MACF1: variants seen among roughly 807,000 people sequenced by gnomAD.
MACF1 encodes microtubule actin crosslinking factor 1, also known as microtubule-actin cross-linking factor 1.
A neutral mutation model predicts 854.8 loss-of-function variants in MACF1; 193 were observed. That is an observed-to-expected ratio of 0.23 (90% CI 0.20 to 0.25). MACF1 has a LOEUF of 0.25. Ranked by LOEUF, MACF1 falls within the 10% of genes least tolerant of loss-of-function variation. The pLI is 1.00. For synonymous variants in MACF1, 3,185 were observed against 3,226.7 expected, an observed-to-expected ratio of 0.99 and a Z score of 0.44; for missense variants, 7,722 against 8,929.1, an observed-to-expected ratio of 0.86 and a Z score of 5.45.
intron 2 of MACF1, among the ~76,000 whole-genome samples, chr1:39,085,822 C>A (rs1367697942): frequency 6.6e-6 from 1 of 152,190 alleles, no homozygotes; most frequent in Non-Finnish European, 1.5e-5. Flanking sequence ...CACCTCTACC[C>A]CCAATCACCC....
intron 70 of MACF1, chr1:39,435,977 A>G: frequency 1.9e-6 from 1 of 536,938 alleles, no homozygotes. Context: ...CTTGGCTGGT[A>G]TATATTGTCT....
chr1:39,232,017 ATTAT>A (rs1644782947), intron 2 of MACF1, among the ~76,000 whole-genome samples: 1 of 150,752 alleles, frequency 6.6e-6, no homozygotes, highest in Non-Finnish European at 1.5e-5. Flanking sequence ...CTGAATGAAG[ATTAT>A]TATTATCATT....
chr1:39,181,382 A>G (rs1385526226), intron 2 of MACF1, among the ~76,000 whole-genome samples: 3 of 152,182 alleles, frequency 2.0e-5, no homozygotes, highest in Non-Finnish European at 2.9e-5. Flanking sequence ...GCATTGGAAG[A>G]CTTAATATTG....
chr1:39,393,196 A>AAATAT (rs57576149), intron 58 of MACF1, among the ~76,000 whole-genome samples: 33 of 66,560 alleles, frequency 5.0e-4, no homozygotes, highest in East Asian at 1.7e-3. Flanking sequence ...AAAAAAAAAA[A>AAATAT]ATATATATAT....
chr1:39,167,082 C>T (rs942430381), intron 2 of MACF1, among the ~76,000 whole-genome samples: 5 of 152,038 alleles, frequency 3.3e-5, no homozygotes, highest in African/African-American at 1.2e-4. Flanking sequence ...CTGCCTCAGC[C>T]TCCCGAGTAG....
At chr1:39,450,936 C>A (rs983957949) in intron 84 of MACF1, 116 bp from the exon 85 acceptor site, 22 of 1,182,268 alleles carry the variant, frequency 1.9e-5, no homozygotes, top group Non-Finnish European at 2.5e-5. Flanking sequence ...ACTGTTCTAA[C>A]ATAGAAGTCA....
rs765451028 is a variant in MACF1 at position 39,387,649 on chromosome 1, T to C, written c.14807T>C (p.Val4936Ala). 2 of 1,614,166 alleles carry C rather than the reference T, an allele frequency of 1.2e-6. No individual in the cohort carries two copies. Among genetic ancestry groups the C allele is most frequent in the East Asian group, 4.5e-5 (2 of 44,882 alleles). Residue 4936 changes from valine (V) to alanine (A), a missense_variant, in exon 58 of 101, where the codon GTG (valine) becomes GCG (alanine). Physicochemically the swap from Val to Ala is moderately conservative, Grantham distance 64. This residue lies in a region of MACF1 where 2,807 missense variants were observed against 3,235.8 expected (regional missense o/e 0.87). Coordinates refer to ENST00000564288, the MANE Select transcript of MACF1 (RefSeq NM_001394062.1). ...GAGTTGCGAGTCACTCTGGATCCAGTGCAGCTAGAGTCCAGTCTCCTAAGA... is the reference window on the plus strand; with the variant it reads ...GAGTTGCGAGTCACTCTGGATCCAGCGCAGCTAGAGTCCAGTCTCCTAAGA... The part of the protein sequence containing the change: ...MSELRVTLDP[V>A]QLESSLLRSK...
chr1:39,091,781 C>T (rs950736219), intron 2 of MACF1, among the ~76,000 whole-genome samples: 2 of 152,142 alleles, frequency 1.3e-5, no homozygotes, highest in Non-Finnish European at 2.9e-5. Flanking sequence ...ATTACAGCCA[C>T]TGCACCCGGC....
At chr1:39,143,354 G>A (rs1361420033) in intron 2 of MACF1, among the ~76,000 whole-genome samples, 1 of 152,186 alleles carries the variant, frequency 6.6e-6, no homozygotes, top group African/African-American at 2.4e-5. Context: ...TGGTGGCAAT[G>A]TCTGGTTCAT....
At chr1:39,478,791 T>C (rs764925463) in intron 97 of MACF1, among the ~76,000 whole-genome samples, 6 of 152,226 alleles carry the variant, frequency 3.9e-5, no homozygotes, top group African/African-American at 2.4e-5. Context: ...TAGAAAAGAA[T>C]GACAAATATT....
intron 2 of MACF1, among the ~76,000 whole-genome samples, chr1:39,159,021 G>GTATT (rs1204725801): frequency 1.3e-5 from 2 of 152,116 alleles, no homozygotes; most frequent in East Asian, 3.9e-4. Context: ...AACCTTAGAG[G>GTATT]TATTACAAGG....
rs1237324493 is a variant in MACF1, at chr1:39,297,674, A to G, written c.2410A>G (p.Ile804Val). ...ESFLRNLQDS[I>V]KRKYSCDHNT... ...ATTCTTGAGGAACCTCCAAGATTCC[A>G]TTAAACGAAAATATTCCTGTGACCA... The change falls in exon 21 of 101, where the codon ATT becomes GTT. Residue 804 changes from isoleucine to valine, a missense_variant. Ile to Val is a conservative substitution (Grantham distance 29). Transcript: ENST00000564288. 3.1e-6 allele frequency: 5 copies of G among 1,614,084 alleles called. No individual in the cohort carries two copies. The East Asian group carries it at 6.7e-5, about 22-fold the overall frequency.
chr1:39,164,077 C>T (rs1643859405), intron 2 of MACF1, among the ~76,000 whole-genome samples: 1 of 152,078 alleles, frequency 6.6e-6, no homozygotes, highest in Non-Finnish European at 1.5e-5. Flanking sequence ...TTATCTACAT[C>T]ATGATTTTTT....
At chr1:39,347,489 G>GTATC (rs1163361493) in intron 41 of MACF1, among the ~76,000 whole-genome samples, 1 of 152,032 alleles carries the variant, frequency 6.6e-6, no homozygotes, top group African/African-American at 2.4e-5. Flanking sequence ...TTCCTTCGCT[G>GTATC]TATCTCATTG....
Position 39,442,837 on chromosome 1 carries a change from A to G in MACF1, c.19228A>G (p.Met6410Val), listed in dbSNP as rs747723762. Residue 6410 changes from methionine to valine, a missense_variant, in exon 78 of 101, where the codon ATG (methionine) becomes GTG (valine). Around this residue, in one of 15 missense-constraint regions of MACF1, gnomAD observed 729 missense variants for 900.5 expected, o/e 0.81. Coordinates refer to ENST00000564288, the MANE Select transcript of MACF1 (RefSeq NM_001394062.1). Reference sequence around the variant, plus strand: ...CAGCTTAAGGAGCCGTTTGGAAGCCATGAACCAATGCTGGGAGTCAGTGTT... The same window carrying G: ...CAGCTTAAGGAGCCGTTTGGAAGCCGTGAACCAATGCTGGGAGTCAGTGTT... ...ASSLRSRLEA[M>V]NQCWESVLQK... is the part of the protein sequence containing the mutation. The G allele has an allele frequency of 1.2e-6, 2 of 1,614,034 alleles. No homozygotes were observed. The highest frequency in any genetic ancestry group is 1.7e-6 in the Non-Finnish European group (2 of 1,179,992).
intron 37 of MACF1, 38 bp downstream of exon 37, chr1:39,336,691 ACAATTAGTT>A: frequency 6.6e-7 from 1 of 1,526,604 alleles, no homozygotes; most frequent in Non-Finnish European, 8.7e-7. Flanking sequence ...TCCTAAAGAT[ACAATTAGTT>A]TAATGCTAAA....
chr1:39,450,800 A>ACAGGGTTTCACCGTGTTAGC (rs1553429827), intron 84 of MACF1, among the ~76,000 whole-genome samples: 1 of 151,682 alleles, frequency 6.6e-6, no homozygotes, highest in East Asian at 1.9e-4. Context: ...TTTAGTAGAG[A>ACAGGGTTTCACCGTGTTAGC]CAGGGTTTCA....
Position 39,208,178 on chromosome 1 carries a change from T to TA in MACF1, c.109+3049dup, listed in dbSNP as rs397979931. ...GAAATATAAAAGGGTTTTTTTTTTT[T>TA]AATTAAATCTACTCCGTTCCTGTTT... On this transcript the variant is annotated intron_variant, in intron 1 of 100. Coordinates refer to ENST00000564288, the MANE Select transcript of MACF1 (RefSeq NM_001394062.1). Among the ~76,000 whole-genome samples the TA allele has an allele frequency of 2.1e-4, 31 of 150,504 alleles. No homozygotes were observed. In the South Asian group the frequency reaches 2.7e-3, roughly 13 times the overall value.
rs41270797 is a variant in MACF1, at chr1:39,269,422, G to A, written c.528+11394G>A. 3.1e-3 allele frequency: 4,063 copies of A among 1,289,850 alleles called. 12 individuals carry two copies. Among genetic ancestry groups the A allele is most frequent in the East Asian group, 0.01 (184 of 18,008 alleles). The allele number at this position is 1,289,850 out of a possible 1,614,324, so 79.9% of individuals were successfully genotyped here. A position where few individuals can be genotyped will look rare whatever the true frequency, so the allele number is the denominator to read the frequency against. On this transcript the variant is annotated intron_variant, in intron 6 of 100. Transcript: ENST00000564288. ...CAGACAGCTTCCTGGATTATAGAAT[G>A]TTCTGTTTCTTCATTACTACTGGAC... is the stretch of plus-strand genomic sequence containing the variant.
Sources: gnomAD v4.1 joint callset for allele counts (sites outside exome capture counted in the v4.1 genomes callset) on GRCh38, gnomAD v4.1.1 for gene constraint, gnomAD v4.1.1 regional missense constraint, MANE v1.5 for transcripts, NCBI Gene and HGNC (gene_info 2026-07-23, HGNC 2026-07-21) for gene names.